The following ZFPM1 variants were observed in gnomAD, a reference collection of about 807,000 sequenced individuals.
ZFPM1 encodes the protein zinc finger protein ZFPM1.
ZFPM1 carries 28 observed loss-of-function variants against 46.3 expected under a neutral mutation model. That is an observed-to-expected ratio of 0.60 (90% CI 0.45 to 0.83). The LOEUF (loss-of-function observed/expected upper bound fraction) is 0.83, where lower values mean the gene tolerates loss of function less well. Ranked by LOEUF, ZFPM1 falls within the 40% of genes least tolerant of loss-of-function variation. The pLI is 0.00. For missense variants in ZFPM1, 1,878 were observed against 1,432.4 expected (o/e 1.31, Z -5.02); for synonymous variants, 957 against 675.9 (o/e 1.42, Z -6.45).
intron 4 of ZFPM1, among the ~76,000 whole-genome samples, chr16:88,515,010 C>A (rs932551222): frequency 6.6e-6 from 1 of 152,226 alleles, no homozygotes; most frequent in Non-Finnish European, 1.5e-5. Context: ...CCCTGCCTGG[C>A]AGAGCCTTCC....
At chr16:88,522,552 C>T (rs530671503) in intron 4 of ZFPM1, among the ~76,000 whole-genome samples, 121 of 152,364 alleles carry the variant, frequency 7.9e-4, no homozygotes, top group Non-Finnish European at 6.8e-4. Flanking sequence ...GGTTTGGGAA[C>T]GGCCTCAGAT....
intron 3 of ZFPM1, among the ~76,000 whole-genome samples, chr16:88,505,897 C>T (rs1313659265): frequency 6.6e-6 from 1 of 152,154 alleles, no homozygotes; most frequent in Non-Finnish European, 1.5e-5. Context: ...TTTCCAACCA[C>T]GTGCTCACCC....
rs1913188266 is a variant in ZFPM1, at chr16:88,535,099, G to GGGGGCCGCAGGGGGCA, written c.*122_*137dup. On this transcript the variant is annotated 3_prime_UTR_variant, in exon 10 of 10. Coordinates refer to ENST00000319555, the MANE Select transcript of ZFPM1 (RefSeq NM_153813.3). ...CCCGCCACGCACAGGCCTCGGCGGAGGGGGCCGCAGGGGGCAGCGCCCGCC... is the reference window on the plus strand; with the variant it reads ...CCCGCCACGCACAGGCCTCGGCGGAGGGGGCCGCAGGGGGCAGGGGCCGCAGGGGGCAGCGCCCGCC... 4.1e-6 allele frequency: 5 copies of GGGGGCCGCAGGGGGCA among 1,208,036 alleles called. No individual in the cohort carries two copies. Among genetic ancestry groups the GGGGGCCGCAGGGGGCA allele is most frequent in the African/African-American group, 1.6e-5 (1 of 63,532 alleles). 74.8% of individuals were successfully genotyped at this position (1,208,036 alleles called of 1,614,324 possible).
chr16:88,463,692 A>C (rs1417478011), intron 1 of ZFPM1, among the ~76,000 whole-genome samples: 1 of 152,356 alleles, frequency 6.6e-6, no homozygotes, highest in Non-Finnish European at 1.5e-5. Context: ...AAATATTTTG[A>C]GGAGGGAACG....
intron 3 of ZFPM1, among the ~76,000 whole-genome samples, chr16:88,489,973 A>C (rs971882072): frequency 1.2e-4 from 18 of 151,970 alleles, no homozygotes; most frequent in Non-Finnish European, 2.2e-4. Flanking sequence ...TGGGGGTCGC[A>C]AGGTCCCCCG....
chr16:88,488,788 A>G (rs1305696318), intron 2 of ZFPM1, among the ~76,000 whole-genome samples: 1 of 152,216 alleles, frequency 6.6e-6, no homozygotes, highest in Admixed American at 6.5e-5. Flanking sequence ...CTGATTATCA[A>G]CAGCAGCTGG....
intron 3 of ZFPM1, among the ~76,000 whole-genome samples, chr16:88,502,232 C>G (rs893803341): frequency 2.0e-5 from 3 of 152,062 alleles, no homozygotes; most frequent in Admixed American, 6.5e-5. Flanking sequence ...GCCATCGGCT[C>G]GAGGGCTGGT....
chr16:88,501,473 C>T (rs1910309246), intron 3 of ZFPM1, among the ~76,000 whole-genome samples: 3 of 137,506 alleles, frequency 2.2e-5, no homozygotes, highest in Admixed American at 7.3e-5. Context: ...ATAGAGATAG[C>T]AGACATGGGT....
rs1387967381 is a variant in ZFPM1, at chr16:88,533,738, G to C, written c.1780G>C (p.Val594Leu). The change falls in exon 10 of 10, where the codon GTG becomes CTG. Residue 594 changes from valine to leucine, a missense_variant. By Grantham distance (32) the Val-to-Leu change is conservative. Transcript: ENST00000319555. ...ITFSNVNNYY[V>L]HKRLYCSGRR... ...CTTCAGCAACGTCAACAACTACTAC[G>C]TGCACAAGCGCCTCTACTGTTCAGG... 1 of 1,504,176 alleles carries C rather than the reference G, an allele frequency of 6.6e-7. No homozygotes were observed. Among genetic ancestry groups the C allele is most frequent in the Non-Finnish European group, 8.9e-7 (1 of 1,120,164 alleles). The allele number at this position is 1,504,176 out of a possible 1,614,324, so 93.2% of individuals were successfully genotyped here.
chr16:88,511,289 G>A (rs1910946069), intron 3 of ZFPM1, among the ~76,000 whole-genome samples: 1 of 151,982 alleles, frequency 6.6e-6, no homozygotes, highest in African/African-American at 2.4e-5. Flanking sequence ...GGCGGGACAA[G>A]CACTGAGCTC....
At position 88,470,493 on chromosome 16, in the gene ZFPM1, G is replaced by A. The variant is rs377458760; in HGVS notation, c.41-15446G>A. Reference sequence around the variant, plus strand: ...TGGGGGACTGGTGGTGTGGAGGGCCGGGTGGTGACACTCAGTGACAGGTGA... The same window carrying A: ...TGGGGGACTGGTGGTGTGGAGGGCCAGGTGGTGACACTCAGTGACAGGTGA... On this transcript the variant is annotated intron_variant, in intron 1 of 9. Coordinates refer to ENST00000319555, the MANE Select transcript of ZFPM1 (RefSeq NM_153813.3). 1.4e-4 allele frequency among the ~76,000 whole-genome samples: 21 copies of A among 152,124 alleles called. No homozygotes were observed. The East Asian group carries it at 3.5e-3, about 25-fold the overall frequency.
At chr16:88,483,405 GC>G (rs1178802260) in intron 1 of ZFPM1, among the ~76,000 whole-genome samples, 3 of 152,192 alleles carry the variant, frequency 2.0e-5, no homozygotes, top group Non-Finnish European at 2.9e-5. Context: ...GCACACCCTG[GC>G]CCCCGACCTC....
intron 1 of ZFPM1, among the ~76,000 whole-genome samples, chr16:88,464,699 C>A (rs566809566): frequency 2.0e-5 from 3 of 152,288 alleles, no homozygotes; most frequent in African/African-American, 7.2e-5. Context: ...CTACAGGCTG[C>A]GGCCTGGTCC....
intron 3 of ZFPM1, among the ~76,000 whole-genome samples, chr16:88,499,588 G>T (rs527829731): frequency 4.6e-5 from 7 of 152,374 alleles, no homozygotes; most frequent in East Asian, 3.9e-4. Context: ...AGGTCTGCGT[G>T]CAGTGTGGGG....
intron 3 of ZFPM1, among the ~76,000 whole-genome samples, chr16:88,509,069 T>C (rs1465063236): frequency 6.6e-6 from 1 of 152,002 alleles, no homozygotes; most frequent in Non-Finnish European, 1.5e-5. Flanking sequence ...CTGGCCTCGG[T>C]TTCTGTGTCT....
At chr16:88,516,385 T>C (rs1349660355) in intron 4 of ZFPM1, 3 of 397,550 alleles carry the variant, frequency 7.5e-6, no homozygotes, top group Non-Finnish European at 1.3e-5. Context: ...GGCACGGGGT[T>C]AGAAACGCTC....
chr16:88,488,053 G>A (rs1262116605), intron 2 of ZFPM1, among the ~76,000 whole-genome samples: 2 of 152,238 alleles, frequency 1.3e-5, no homozygotes, highest in Non-Finnish European at 2.9e-5. Flanking sequence ...CTGCACATGT[G>A]AGCTGGGTGC....
chr16:88,461,240 T>TGGTGAGGACCCA (rs1567525940), intron 1 of ZFPM1, among the ~76,000 whole-genome samples: 1 of 70,798 alleles, frequency 1.4e-5, no homozygotes, highest in Non-Finnish European at 2.8e-5. Flanking sequence ...GACCCAGGGG[T>TGGTGAGGACCCA]GGGGCGGGAG....
intron 3 of ZFPM1, among the ~76,000 whole-genome samples, chr16:88,499,260 G>A (rs928161999): frequency 6.6e-6 from 1 of 152,250 alleles, no homozygotes; most frequent in South Asian, 2.1e-4. Flanking sequence ...TCCCGAAATC[G>A]CAGGCAGAGC....
Sources: allele counts gnomAD v4.1 joint callset (sites outside exome capture counted in the v4.1 genomes callset), GRCh38; gene constraint gnomAD v4.1.1; transcripts MANE v1.5; gene names NCBI Gene and HGNC (gene_info 2026-07-23, HGNC 2026-07-21).